Variants in FANCI observed in about 807,000 individuals in gnomAD.
The protein encoded by FANCI is FA complementation group I.
In FANCI, 156 loss-of-function variants were observed where a neutral mutation model predicts 176.1. The observed-to-expected ratio is 0.89, with a 90% confidence interval of 0.78 to 1.01. The LOEUF is 1.01. Among genes scored for constraint, FANCI ranks in the 50% least tolerant of loss-of-function variants. FANCI has a pLI of 0.00. For synonymous variants in FANCI, 613 were observed against 541.7 expected, an observed-to-expected ratio of 1.13 and a Z score of -1.83; for missense variants, 1,678 against 1,534.1, an observed-to-expected ratio of 1.09 and a Z score of -1.57.
chr15:89,256,837 C>T (rs1238100244), intron 2 of FANCI, among the ~76,000 whole-genome samples: 1 of 152,200 alleles, frequency 6.6e-6, no homozygotes, highest in African/African-American at 2.4e-5. Flanking sequence ...AGCACGTAAA[C>T]AGATGGTGCC....
Position 89,312,973 on chromosome 15 carries a change from G to T in FANCI, c.3720+1G>T, listed in dbSNP as rs1457288796. 6.2e-7 allele frequency: 1 copy of T among 1,613,756 alleles called. No homozygotes were observed. Among genetic ancestry groups the T allele is most frequent in the Non-Finnish European group, 8.5e-7 (1 of 1,179,886 alleles). ...ACCTGCTGCCGTTGCCACAGCCATGGTAAGCTGCTGACACTGACCGTTAAA... is the reference window on the plus strand; with the variant it reads ...ACCTGCTGCCGTTGCCACAGCCATGTTAAGCTGCTGACACTGACCGTTAAA... On this transcript the variant is annotated splice_donor_variant, in intron 35 of 37. Coordinates refer to ENST00000310775, the MANE Select transcript of FANCI (RefSeq NM_001113378.2). LOFTEE classifies it high-confidence loss of function.
In FANCI at chr15:89,273,488, A is replaced by G. The variant is rs750328805; in HGVS notation, c.975+19A>G. ...GGACCAGGTATTTTTTTAAAATGCC[A>G]TTTTGTTTCTTTCTGTAGTTGGTAA... On this transcript the variant is annotated intron_variant, in intron 11 of 37. Transcript: ENST00000310775. 5.1e-6 allele frequency: 6 copies of G among 1,187,004 alleles called. No individual in the cohort carries two copies. Among genetic ancestry groups the G allele is most frequent in the Admixed American group, 3.6e-5 (2 of 56,066 alleles). 73.5% of individuals were successfully genotyped at this position (1,187,004 alleles called of 1,614,324 possible).
At chr15:89,305,841 T>G in intron 31 of FANCI, 143 bp downstream of exon 31, 2 of 1,093,430 alleles carry the variant, frequency 1.8e-6, no homozygotes. Flanking sequence ...ATGAAAGAAG[T>G]AGAAGATCAT....
rs2054519253 is a variant in FANCI, at chr15:89,301,359, G to C, written c.2923G>C (p.Glu975Gln). ...SLLNLLSSQE[E>Q]DFNSKEALLL... ...GTTGAATTTACTTAGCAGTCAAGAGGAAGATTTTAATAGCAAAGAAGCCCT... is the reference window on the plus strand; with the variant it reads ...GTTGAATTTACTTAGCAGTCAAGAGCAAGATTTTAATAGCAAAGAAGCCCT... Residue 975 changes from glutamate (E) to glutamine (Q), a missense_variant, in exon 27 of 38, where the codon GAA becomes CAA. Glu to Gln is a conservative substitution (Grantham distance 29). Transcript: ENST00000310775. 2.5e-6 allele frequency: 4 copies of C among 1,614,082 alleles called. No individual in the cohort carries two copies. The highest frequency in any genetic ancestry group is 3.4e-6 in the Non-Finnish European group (4 of 1,179,988).
At chr15:89,276,186 G>C (rs1392395575) in intron 12 of FANCI, among the ~76,000 whole-genome samples, 1 of 152,170 alleles carries the variant, frequency 6.6e-6, no homozygotes, top group African/African-American at 2.4e-5. Context: ...TTTTACAAAA[G>C]ATTATTTGTA....
chr15:89,281,088 C>T (rs2151548307), intron 14 of FANCI, 82 bp from the exon 15 acceptor site: 1 of 1,431,980 alleles, frequency 7.0e-7, no homozygotes, highest in African/African-American at 1.4e-5. Context: ...CAAAAGACTT[C>T]ACATTTCTTT....
intron 34 of FANCI, among the ~76,000 whole-genome samples, chr15:89,310,511 T>C (rs2054912399): frequency 6.6e-6 from 1 of 152,238 alleles, no homozygotes; most frequent in African/African-American, 2.4e-5. Flanking sequence ...TCCCTAGGCA[T>C]TTTCCTCCTC....
intron 9 of FANCI, among the ~76,000 whole-genome samples, chr15:89,267,093 G>A (rs1324421172): frequency 6.6e-6 from 1 of 152,074 alleles, no homozygotes; most frequent in African/African-American, 2.4e-5. Flanking sequence ...GGCCGAGGCA[G>A]GCAGATTGCT....
At chr15:89,306,477 A>C (rs1596326352) in intron 32 of FANCI, among the ~76,000 whole-genome samples, 1 of 152,050 alleles carries the variant, frequency 6.6e-6, no homozygotes, top group African/African-American at 2.4e-5. Flanking sequence ...GGATCACCTG[A>C]GGTCAGGAGT....
chr15:89,298,134 A>C (rs1052949981), intron 24 of FANCI, among the ~76,000 whole-genome samples: 5 of 152,188 alleles, frequency 3.3e-5, no homozygotes, highest in African/African-American at 1.2e-4. Flanking sequence ...GAGGTAGAAG[A>C]AGTGAACAAC....
intron 12 of FANCI, 107 bp from the exon 13 acceptor site, chr15:89,276,604 T>C (rs2053421499): frequency 3.3e-6 from 4 of 1,218,228 alleles, no homozygotes; most frequent in South Asian, 1.2e-5. Flanking sequence ...GCAGAGTACG[T>C]TGATTATCTA....
rs146301349 is a variant in FANCI at position 89,316,819 on chromosome 15, G to A, written c.*360G>A. Reference sequence around the variant, plus strand: ...AGTTCAATTATCTGGTAAATATCCAGCGCTTCACCTGAAAGATAGTGCAAA... The same window carrying A: ...AGTTCAATTATCTGGTAAATATCCAACGCTTCACCTGAAAGATAGTGCAAA... On this transcript the variant is annotated 3_prime_UTR_variant, in exon 38 of 38. Coordinates refer to ENST00000310775, the MANE Select transcript of FANCI (RefSeq NM_001113378.2). 118 of 1,613,442 alleles carry A rather than the reference G, an allele frequency of 7.3e-5. No individual in the cohort carries two copies. The African/African-American group carries it at 1.4e-3, about 19-fold the overall frequency.
chr15:89,298,738 A>T (rs964100370), intron 24 of FANCI, among the ~76,000 whole-genome samples: 2 of 152,220 alleles, frequency 1.3e-5, no homozygotes, highest in African/African-American at 4.8e-5. Context: ...ACACATTACA[A>T]ATTGCAGAAT....
rs759817798 is a variant in FANCI, at chr15:89,283,116, C to T, written c.1584-20C>T. On this transcript the variant is annotated intron_variant, in intron 16 of 37. Coordinates refer to ENST00000310775, the MANE Select transcript of FANCI (RefSeq NM_001113378.2). Reference sequence around the variant, plus strand: ...CCTGTGAAATAGTACTGTTTGTTAACTTCTCTATTTCTGAGCTAGCCAGCT... The same window carrying T: ...CCTGTGAAATAGTACTGTTTGTTAATTTCTCTATTTCTGAGCTAGCCAGCT... 5 of 1,613,796 alleles carry T rather than the reference C, an allele frequency of 3.1e-6. No individual in the cohort carries two copies. In the East Asian group the frequency reaches 1.1e-4, roughly 36 times the overall value.
chr15:89,257,556 C>T (rs761733128), intron 2 of FANCI, among the ~76,000 whole-genome samples: 5 of 152,182 alleles, frequency 3.3e-5, no homozygotes, highest in Non-Finnish European at 7.3e-5. Flanking sequence ...CTTCACCTGA[C>T]ATTCCCCCTG....
Position 89,276,727 on chromosome 15 carries a change from C to T in FANCI, c.1129C>T (p.His377Tyr). Residue 377 changes from histidine (H) to tyrosine (Y), a missense_variant, in exon 13 of 38, where the codon CAT becomes TAT. Around this residue, in one of 3 missense-constraint regions of FANCI, gnomAD observed 469 missense variants for 436.9 expected, o/e 1.07. Coordinates refer to ENST00000310775, the MANE Select transcript of FANCI (RefSeq NM_001113378.2). ...VVKNSVHSWDHVTQGLVELGF... is the reference protein window; with the variant it reads ...VVKNSVHSWDYVTQGLVELGF... The stretch of plus-strand genomic sequence containing the variant: ...TTCTTGTAGCGTTCATAGCTGGGAC[C>T]ATGTTACTCAGGGCCTCGTAGAACT... 1 of 1,614,084 alleles carries T rather than the reference C, an allele frequency of 6.2e-7. No individual in the cohort carries two copies. The highest frequency in any genetic ancestry group is 8.5e-7 in the Non-Finnish European group (1 of 1,180,024).
chr15:89,310,444 C>T (rs2054909323), intron 34 of FANCI, among the ~76,000 whole-genome samples: 1 of 152,222 alleles, frequency 6.6e-6, no homozygotes, highest in Admixed American at 6.5e-5. Flanking sequence ...GGAATCACTA[C>T]TACTTCCTAG....
chr15:89,263,388 A>C, intron 6 of FANCI, 31 bp from the exon 7 acceptor site: 1 of 1,596,036 alleles, frequency 6.3e-7, no homozygotes, highest in Non-Finnish European at 8.6e-7. Flanking sequence ...TAAGTTGTAA[A>C]GAAATAAACT....
chr15:89,311,412 C>G (rs1237486089), intron 34 of FANCI, among the ~76,000 whole-genome samples: 2 of 152,170 alleles, frequency 1.3e-5, no homozygotes, highest in African/African-American at 2.4e-5. Flanking sequence ...GAGTGAAACT[C>G]CACCTCAAAA....
Sources: allele counts gnomAD v4.1 joint callset (sites outside exome capture counted in the v4.1 genomes callset), GRCh38; gene constraint gnomAD v4.1.1; regional missense constraint gnomAD v4.1.1; transcripts MANE v1.5; gene names NCBI Gene and HGNC (gene_info 2026-07-23, HGNC 2026-07-21).